The following SNX6 variants were observed in gnomAD, a reference collection of about 807,000 sequenced individuals.
SNX6 encodes sorting nexin 6.
SNX6 carries 34 observed loss-of-function variants against 63.0 expected under a neutral mutation model. The ratio of observed to expected loss-of-function variants is 0.54; its 90% CI spans 0.41 to 0.72. SNX6 has a LOEUF of 0.72. Among genes scored for constraint, SNX6 ranks in the 30% least tolerant of loss-of-function variants. The pLI is 0.00. For synonymous variants in SNX6, 170 were observed against 164.2 expected, an observed-to-expected ratio of 1.04 and a Z score of -0.27; for missense variants, 398 against 471.4, an observed-to-expected ratio of 0.84 and a Z score of 1.44.
At chr14:34,628,594 ACT>A (rs1055641039) in intron 2 of SNX6, among the ~76,000 whole-genome samples, 1 of 152,162 alleles carries the variant, frequency 6.6e-6, no homozygotes, top group African/African-American at 2.4e-5. Context: ...ATGCCACTGC[ACT>A]CCAGCCTGGG....
chr14:34,625,276 G>C (rs1244253993), intron 2 of SNX6, among the ~76,000 whole-genome samples: 2 of 152,098 alleles, frequency 1.3e-5, no homozygotes, highest in African/African-American at 4.8e-5. Flanking sequence ...ATGCCTAAAA[G>C]TTCTAATTAT....
chr14:34,629,817 G>A, intron 2 of SNX6, 90 bp downstream of exon 2: 2 of 1,526,344 alleles, frequency 1.3e-6, no homozygotes, highest in Non-Finnish European at 1.8e-6. Flanking sequence ...GTGCCGCGCG[G>A]CTGGGGACCC....
intron 10 of SNX6, among the ~76,000 whole-genome samples, chr14:34,579,276 T>C (rs1476262651): frequency 6.6e-6 from 1 of 152,096 alleles, no homozygotes; most frequent in Non-Finnish European, 1.5e-5. Context: ...TCCAAATGCC[T>C]ATCAACAGCA....
intron 13 of SNX6, among the ~76,000 whole-genome samples, chr14:34,564,482 C>T (rs1447863899): frequency 6.6e-6 from 1 of 152,182 alleles, no homozygotes; most frequent in Non-Finnish European, 1.5e-5. Context: ...GTTAATAGAA[C>T]AGTTATCAGA....
intron 11 of SNX6, chr14:34,568,905 G>A (rs1364180734): frequency 4.0e-6 from 5 of 1,252,206 alleles, no homozygotes; most frequent in Non-Finnish European, 5.9e-6. Flanking sequence ...TCTTGGTCAT[G>A]GAGCCAACCC....
At chr14:34,590,990 T>A (rs1479109228) in intron 8 of SNX6, among the ~76,000 whole-genome samples, 4 of 152,176 alleles carry the variant, frequency 2.6e-5, no homozygotes, top group African/African-American at 9.6e-5. Context: ...TACTGTATGA[T>A]TCAATTTATA....
chr14:34,616,260 GTCTTTCAATTGAT>G (rs1171120926), intron 2 of SNX6, among the ~76,000 whole-genome samples: 8 of 151,968 alleles, frequency 5.3e-5, no homozygotes. Flanking sequence ...AGCCAGGAAT[GTCTTTCAATTGAT>G]GACAAATTAC....
In SNX6 at chr14:34,579,564, G is replaced by A. The variant is rs114424352; in HGVS notation, c.834+1997C>T. Among the ~76,000 whole-genome samples the A allele has an allele frequency of 6.5e-3, 996 of 152,200 alleles. 11 individuals are homozygous for A. Among genetic ancestry groups the A allele is most frequent in the African/African-American group, 0.023 (955 of 41,530 alleles). ...TGAGGCTACAATGAGTTATGATCATGCAACTGCACTCCCGCCTGGCCGACA... is the reference window on the plus strand; with the variant it reads ...TGAGGCTACAATGAGTTATGATCATACAACTGCACTCCCGCCTGGCCGACA... On this transcript the variant is annotated intron_variant, in intron 10 of 13. Coordinates refer to ENST00000362031, the MANE Select transcript of SNX6 (RefSeq NM_152233.4).
At chr14:34,589,887 G>T (rs142930306) in intron 8 of SNX6, among the ~76,000 whole-genome samples, 2 of 152,110 alleles carry the variant, frequency 1.3e-5, no homozygotes, top group East Asian at 3.9e-4. Flanking sequence ...AAGGTGAGAG[G>T]ACTGCTTGAG....
intron 2 of SNX6, among the ~76,000 whole-genome samples, chr14:34,622,652 T>C (rs1883671080): frequency 6.6e-6 from 1 of 151,576 alleles, no homozygotes; most frequent in South Asian, 2.1e-4. Context: ...CTGTACTAGC[T>C]GCATGTACCT....
intron 10 of SNX6, among the ~76,000 whole-genome samples, chr14:34,579,086 A>T (rs1881835598): frequency 6.6e-6 from 1 of 151,950 alleles, no homozygotes; most frequent in African/African-American, 2.4e-5. Context: ...TGGGCATGCA[A>T]ATTGGTACAA....
chr14:34,597,956 A>T (rs1882666308), intron 6 of SNX6, among the ~76,000 whole-genome samples: 1 of 152,194 alleles, frequency 6.6e-6, no homozygotes, highest in Admixed American at 6.6e-5. Flanking sequence ...ATATTTTGTC[A>T]AACACTGCTA....
At chr14:34,569,254 G>C in intron 11 of SNX6, 2 of 526,184 alleles carry the variant, frequency 3.8e-6, no homozygotes, top group Non-Finnish European at 6.9e-6. Flanking sequence ...ATGGTTTTTA[G>C]CAAGCTCACA....
At chr14:34,587,487 C>T (rs1301705503) in intron 8 of SNX6, among the ~76,000 whole-genome samples, 7 of 118,360 alleles carry the variant, frequency 5.9e-5, no homozygotes, top group South Asian at 2.9e-4. Flanking sequence ...GAGCCAAGAT[C>T]GTGCCACTGC....
chr14:34,596,722 C>T (rs1201070382), intron 7 of SNX6, among the ~76,000 whole-genome samples: 4 of 151,494 alleles, frequency 2.6e-5, no homozygotes, highest in East Asian at 2.0e-4. Context: ...TTCTCACTGT[C>T]GCCCAGGCTG....
intron 11 of SNX6, among the ~76,000 whole-genome samples, chr14:34,569,554 G>A (rs1881347547): frequency 6.6e-6 from 1 of 152,054 alleles, no homozygotes; most frequent in Admixed American, 6.6e-5. Flanking sequence ...AGCCTCCTGA[G>A]TAGCTGGGAC....
chr14:34,583,226 G>A (rs61979716), intron 9 of SNX6, among the ~76,000 whole-genome samples: 3 of 152,048 alleles, frequency 2.0e-5, no homozygotes, highest in African/African-American at 7.2e-5. Flanking sequence ...GGAGAATGGT[G>A]TGAACCCGGG....
intron 8 of SNX6, among the ~76,000 whole-genome samples, chr14:34,587,165 A>G (rs1397026174): frequency 3.9e-5 from 6 of 152,124 alleles, no homozygotes; most frequent in East Asian, 1.9e-4. Flanking sequence ...GTTGCAGGAT[A>G]TAAGATCAAT....
intron 11 of SNX6, among the ~76,000 whole-genome samples, chr14:34,573,591 G>C (rs1004469523): frequency 1.6e-4 from 24 of 150,506 alleles, no homozygotes; most frequent in African/African-American, 5.6e-4. Context: ...AAAACAAATT[G>C]TTTTTGGTTA....
Sources: allele counts gnomAD v4.1 joint callset (sites outside exome capture counted in the v4.1 genomes callset), GRCh38; gene constraint gnomAD v4.1.1; transcripts MANE v1.5; gene names NCBI Gene and HGNC (gene_info 2026-07-23, HGNC 2026-07-21).